Variants in PRELID2 observed in about 807,000 individuals in gnomAD.
PRELID2 encodes the protein PRELI domain-containing protein 2.
A neutral mutation model predicts 28.4 loss-of-function variants in PRELID2; 25 were observed. That is an observed-to-expected ratio of 0.88 (90% CI 0.64 to 1.23). The LOEUF (loss-of-function observed/expected upper bound fraction) is 1.23. Among genes scored for constraint, PRELID2 ranks in the 50% most tolerant of loss-of-function variants. PRELID2 has a pLI of 0.00. For missense variants in PRELID2, 201 were observed against 214.4 expected, an observed-to-expected ratio of 0.94 and a Z score of 0.39; for synonymous variants, 76 against 71.6, an observed-to-expected ratio of 1.06 and a Z score of -0.31.
In PRELID2 at chr5:145,783,175, C is replaced by T. The variant is rs372406694; in HGVS notation, c.474+13267G>A. Among the ~76,000 whole-genome samples the T allele has an allele frequency of 2.2e-4, 33 of 152,290 alleles. No individual in the cohort carries two copies. The South Asian group carries it at 6.4e-3, about 30-fold the overall frequency. On this transcript the variant is annotated intron_variant, in intron 5 of 6. Transcript: ENST00000683046. ...TTTCATCTAGTTTCATAGAAGGCAA[C>T]GTCCCAGAATTTCAGCTGGTAAACC...
chr5:145,347,192 T>C, the PRELID2 span, among the ~76,000 whole-genome samples: 1 of 152,188 alleles, frequency 6.6e-6, no homozygotes, highest in East Asian at 1.9e-4. Context: ...GTTCAGCTAA[T>C]ATTGCCCACT....
the PRELID2 span, among the ~76,000 whole-genome samples, chr5:145,446,758 A>C: frequency 6.6e-6 from 1 of 152,238 alleles, no homozygotes; most frequent in Middle Eastern, 3.4e-3. Context: ...GCCATTTGAA[A>C]ATCTGAGGCC....
At chr5:145,424,619 G>T in the PRELID2 span, among the ~76,000 whole-genome samples, 3 of 152,094 alleles carry the variant, frequency 2.0e-5, no homozygotes, top group Admixed American at 2.0e-4. Flanking sequence ...CGCACCCACT[G>T]ACCGGCACTC....
intron 1 of PRELID2, among the ~76,000 whole-genome samples, chr5:145,726,598 C>T (rs1417225671): frequency 6.6e-6 from 1 of 152,212 alleles, no homozygotes; most frequent in Non-Finnish European, 1.5e-5. Context: ...TTCACTGGCA[C>T]TATTTTTAGG....
At chr5:145,419,295 G>T in the PRELID2 span, among the ~76,000 whole-genome samples, 1 of 132,756 alleles carries the variant, frequency 7.5e-6, no homozygotes. Flanking sequence ...GATCCCTGAG[G>T]AATCGCCACA....
intron 4 of PRELID2, among the ~76,000 whole-genome samples, chr5:145,813,495 C>G (rs547215932): frequency 6.6e-6 from 1 of 152,290 alleles, no homozygotes; most frequent in Admixed American, 6.5e-5. Context: ...TACCTGGGAT[C>G]CAAAGCACTC....
the PRELID2 span, among the ~76,000 whole-genome samples, chr5:145,243,096 TG>T: frequency 6.6e-6 from 1 of 152,042 alleles, no homozygotes; most frequent in African/African-American, 2.4e-5. Context: ...TTCTTGAAAA[TG>T]TATTAAGAAC....
intron 1 of PRELID2, among the ~76,000 whole-genome samples, chr5:145,547,221 A>T (rs976567331): frequency 9.2e-5 from 14 of 152,240 alleles, no homozygotes; most frequent in African/African-American, 3.4e-4. Context: ...TTATAACCAA[A>T]TTTTTTCCCT....
chr5:145,593,478 A>C (rs1753259512), intron 1 of PRELID2, among the ~76,000 whole-genome samples: 1 of 152,228 alleles, frequency 6.6e-6, no homozygotes, highest in Admixed American at 6.5e-5. Context: ...AGTCCATTGC[A>C]ATCAGTTAAA....
At chr5:145,240,041 GACA>G in the PRELID2 span, among the ~76,000 whole-genome samples, 1 of 151,852 alleles carries the variant, frequency 6.6e-6, no homozygotes, top group Non-Finnish European at 1.5e-5. Flanking sequence ...TAAGTTCTTT[GACA>G]ACAAGGTTGC....
At chr5:145,300,890 T>C in the PRELID2 span, among the ~76,000 whole-genome samples, 1 of 151,974 alleles carries the variant, frequency 6.6e-6, no homozygotes, top group Non-Finnish European at 1.5e-5. Flanking sequence ...AAATGATTTA[T>C]ATGATTTTTA....
intron 1 of PRELID2, among the ~76,000 whole-genome samples, chr5:145,640,475 C>CAAAA (rs56917249): frequency 1.8e-5 from 1 of 54,628 alleles, no homozygotes; most frequent in Non-Finnish European, 3.7e-5. Flanking sequence ...GACTCCGTCT[C>CAAAA]AAAAAAAAAA....
At chr5:145,659,794 G>C in intron 1 of PRELID2, among the ~76,000 whole-genome samples, 1 of 152,154 alleles carries the variant, frequency 6.6e-6, no homozygotes, top group East Asian at 1.9e-4. Context: ...CATTTTTACT[G>C]TTATGAATAG....
At chr5:145,381,488 T>A in the PRELID2 span, 3 of 152,184 alleles carry the variant, frequency 2.0e-5, no homozygotes, top group East Asian at 3.9e-4. Flanking sequence ...TCAGCTGATG[T>A]CTGTATTGTG....
At chr5:145,691,422 T>C (rs1036037631) in intron 1 of PRELID2, among the ~76,000 whole-genome samples, 1 of 152,042 alleles carries the variant, frequency 6.6e-6, no homozygotes, top group Non-Finnish European at 1.5e-5. Flanking sequence ...TATCTAAGAC[T>C]CGGCCGGGCG....
At chr5:145,448,623 A>G in the PRELID2 span, among the ~76,000 whole-genome samples, 93 of 152,324 alleles carry the variant, frequency 6.1e-4, no homozygotes, top group Middle Eastern at 6.8e-3. Flanking sequence ...CAGTTCAACA[A>G]GAAGAGCTAA....
chr5:145,583,540 C>G (rs1347051784), intron 1 of PRELID2, among the ~76,000 whole-genome samples: 1 of 152,122 alleles, frequency 6.6e-6, no homozygotes, highest in Non-Finnish European at 1.5e-5. Flanking sequence ...ATCTAGAAAA[C>G]CCTATCATCT....
chr5:145,653,898 C>G (rs898771543), intron 1 of PRELID2, among the ~76,000 whole-genome samples: 4 of 152,064 alleles, frequency 2.6e-5, no homozygotes, highest in Admixed American at 2.6e-4. Context: ...TAACTAAGAT[C>G]AGAGCAGAAG....
chr5:145,574,306 T>C (rs1188868959), intron 1 of PRELID2, among the ~76,000 whole-genome samples: 3 of 152,234 alleles, frequency 2.0e-5, no homozygotes, highest in Non-Finnish European at 4.4e-5. Context: ...GCAACTCTGC[T>C]GATACATGAT....
Sources: allele counts gnomAD v4.1 joint callset (sites outside exome capture counted in the v4.1 genomes callset), GRCh38; gene constraint gnomAD v4.1.1; transcripts MANE v1.5; gene names NCBI Gene and HGNC (gene_info 2026-07-23, HGNC 2026-07-21).